FBXO16: variants seen among roughly 807,000 people sequenced by gnomAD.
FBXO16 encodes the protein F-box protein 16, also known as F-box only protein 16.
Under a neutral mutation model 41.0 loss-of-function variants are expected in FBXO16, and 31 were observed. The observed-to-expected ratio is 0.76, with a 90% CI of 0.57 to 1.02. The LOEUF (loss-of-function observed/expected upper bound fraction) is 1.02. Among genes scored for constraint, FBXO16 ranks in the 50% least tolerant of loss-of-function variants. The pLI is 0.00. For missense variants in FBXO16, 361 were observed against 346.2 expected (o/e 1.04, Z -0.34); for synonymous variants, 133 against 117.8 (o/e 1.13, Z -0.84).
chr8:28,479,877 C>T (rs142047435), intron 2 of FBXO16, among the ~76,000 whole-genome samples: 2,170 of 151,720 alleles, frequency 0.014, 25 homozygotes, highest in Non-Finnish European at 0.02. Flanking sequence ...TGCACCATCA[C>T]GCCAGGCTAA....
At chr8:28,454,107 A>C (rs1258134372) in intron 5 of FBXO16, among the ~76,000 whole-genome samples, 1 of 151,954 alleles carries the variant, frequency 6.6e-6, no homozygotes, top group Non-Finnish European at 1.5e-5. Context: ...CAGAGGTTGC[A>C]GTGAGCTGAG....
At chr8:28,478,771 G>A (rs1453130848) in intron 2 of FBXO16, among the ~76,000 whole-genome samples, 1 of 147,942 alleles carries the variant, frequency 6.8e-6, no homozygotes, top group Non-Finnish European at 1.5e-5. Flanking sequence ...GCAGTGAGCC[G>A]AGATCACGCC....
chr8:28,470,057 G>A (rs180857210), intron 3 of FBXO16, among the ~76,000 whole-genome samples: 1,541 of 151,144 alleles, frequency 0.01, 24 homozygotes, highest in African/African-American at 0.036. Context: ...AGCCGGGCGC[G>A]GTGGTGGGCA....
intron 1 of FBXO16, among the ~76,000 whole-genome samples, chr8:28,488,921 G>A (rs533124364): frequency 6.6e-6 from 1 of 152,258 alleles, no homozygotes; most frequent in Non-Finnish European, 1.5e-5. Context: ...GCCACTCTGA[G>A]AACGTGCCAC....
chr8:28,485,223 CGTA>C (rs1302321266), intron 1 of FBXO16, among the ~76,000 whole-genome samples: 2 of 151,972 alleles, frequency 1.3e-5, no homozygotes, highest in East Asian at 3.9e-4. Flanking sequence ...CCCAGGCTGC[CGTA>C]CAGTGGTGCA....
chr8:28,458,810 T>C (rs185201688), intron 4 of FBXO16, among the ~76,000 whole-genome samples: 1 of 152,288 alleles, frequency 6.6e-6, no homozygotes, highest in Non-Finnish European at 1.5e-5. Flanking sequence ...CCAAGGCAAA[T>C]ACAGTTTTTG....
At chr8:28,483,295 C>CT (rs1803544474) in intron 2 of FBXO16, 53 bp downstream of exon 2, 2 of 1,479,784 alleles carry the variant, frequency 1.4e-6, no homozygotes, top group East Asian at 4.6e-5. Flanking sequence ...ATTTTAATAT[C>CT]TTTTTTCCTT....
At chr8:28,486,234 T>C (rs1803600070) in intron 1 of FBXO16, among the ~76,000 whole-genome samples, 2 of 150,240 alleles carry the variant, frequency 1.3e-5, no homozygotes, top group Admixed American at 6.6e-5. Flanking sequence ...TCTTCTTCTT[T>C]TTTTTTTTTG....
At chr8:28,458,865 G>A (rs1187581879) in intron 4 of FBXO16, among the ~76,000 whole-genome samples, 1 of 152,074 alleles carries the variant, frequency 6.6e-6, no homozygotes, top group East Asian at 1.9e-4. Context: ...AGGTAGAGAG[G>A]AATGAAGAGA....
At chr8:28,486,664 T>C (rs1465905691) in intron 1 of FBXO16, among the ~76,000 whole-genome samples, 3 of 151,074 alleles carry the variant, frequency 2.0e-5, no homozygotes, top group Non-Finnish European at 4.4e-5. Flanking sequence ...CTACACAAAG[T>C]AAAAAAACCA....
Position 28,463,629 on chromosome 8 carries a change from G to A in FBXO16, c.325C>T (p.Leu109Phe). Residue 109 changes from leucine to phenylalanine, a missense_variant, in exon 4 of 9, where the codon CTT becomes TTT. Transcript: ENST00000380254. Reference sequence around the variant, plus strand: ...GCCTTTACCTGTGCACAACGACAAAGGCTCCGAGGGTCCAGGAAAGAAAAG... The same window carrying A: ...GCCTTTACCTGTGCACAACGACAAAAGCTCCGAGGGTCCAGGAAAGAAAAG... Reference protein sequence around the residue: ...YIFSFLDPRSLCRCAQVCWHW... With the variant: ...YIFSFLDPRSFCRCAQVCWHW... 1 of 1,614,038 alleles carries A rather than the reference G, an allele frequency of 6.2e-7. No individual in the cohort carries two copies. The highest frequency in any genetic ancestry group is 2.2e-5 in the East Asian group (1 of 44,884).
At chr8:28,444,565 C>G (rs536571637) in intron 7 of FBXO16, among the ~76,000 whole-genome samples, 1 of 150,332 alleles carries the variant, frequency 6.7e-6, no homozygotes, top group African/African-American at 2.4e-5. Flanking sequence ...CTGCAGCCTC[C>G]GCCCTGGGTT....
intron 5 of FBXO16, 112 bp downstream of exon 5, chr8:28,456,654 G>T: frequency 8.4e-7 from 1 of 1,194,228 alleles, no homozygotes; most frequent in Non-Finnish European, 1.2e-6. Context: ...CATAGTATAT[G>T]TCCTTTGAAC....
intron 2 of FBXO16, 48 bp downstream of exon 2, chr8:28,483,300 T>C: frequency 1.3e-6 from 2 of 1,498,598 alleles, no homozygotes; most frequent in Non-Finnish European, 1.8e-6. Context: ...AATATCTTTT[T>C]TCCTTTCAGT....
chr8:28,455,080 GA>G (rs1260322622), intron 5 of FBXO16, among the ~76,000 whole-genome samples: 2 of 133,202 alleles, frequency 1.5e-5, no homozygotes, highest in Non-Finnish European at 3.2e-5. Context: ...GAATTACATT[GA>G]TTTTTTTTTT....
chr8:28,458,924 A>G (rs1803081416), intron 4 of FBXO16, among the ~76,000 whole-genome samples: 1 of 152,208 alleles, frequency 6.6e-6, no homozygotes, highest in South Asian at 2.1e-4. Context: ...CAATTCCTCC[A>G]CAACCTTCCA....
chr8:28,464,577 G>T (rs1268577626), intron 3 of FBXO16, among the ~76,000 whole-genome samples: 1 of 152,222 alleles, frequency 6.6e-6, no homozygotes, highest in East Asian at 1.9e-4. Flanking sequence ...CATTGGGGAA[G>T]AGAAAATAGG....
intron 2 of FBXO16, among the ~76,000 whole-genome samples, chr8:28,479,478 C>T (rs1220309073): frequency 3.9e-5 from 6 of 152,142 alleles, no homozygotes; most frequent in South Asian, 2.1e-4. Context: ...GATCAAGACT[C>T]GTAATTTTTC....
intron 3 of FBXO16, among the ~76,000 whole-genome samples, chr8:28,469,702 C>T (rs1298318580): frequency 1.4e-5 from 2 of 148,108 alleles, no homozygotes; most frequent in East Asian, 4.0e-4. Flanking sequence ...AGGAGTTCAA[C>T]ACCAGCCTGA....
Sources: gnomAD v4.1 joint callset for allele counts (sites outside exome capture counted in the v4.1 genomes callset) on GRCh38, gnomAD v4.1.1 for gene constraint, MANE v1.5 for transcripts, NCBI Gene and HGNC (gene_info 2026-07-23, HGNC 2026-07-21) for gene names.